Variants in GCC2 observed in about 807,000 individuals in gnomAD.
GCC2 encodes the protein GRIP and coiled-coil domain containing 2.
In GCC2, 120 loss-of-function variants were observed where a neutral mutation model predicts 210.6. The observed-to-expected ratio is 0.57, with a 90% CI of 0.49 to 0.66. GCC2 has a LOEUF of 0.66. Ranked by LOEUF, GCC2 falls within the 30% of genes least tolerant of loss-of-function variation. The pLI is 0.00. For synonymous variants in GCC2, 703 were observed against 652.7 expected, an observed-to-expected ratio of 1.08 and a Z score of -1.17; for missense variants, 1,868 against 1,871.9, an observed-to-expected ratio of 1.00 and a Z score of 0.04.
chr2:108,487,253 C>T (rs1313654084), intron 16 of GCC2, among the ~76,000 whole-genome samples: 5 of 152,172 alleles, frequency 3.3e-5, no homozygotes, highest in Admixed American at 1.3e-4. Flanking sequence ...TCCAAAAGCA[C>T]ATAGTGTCAC....
chr2:108,473,966 A>AT (rs1681372506), intron 7 of GCC2, among the ~76,000 whole-genome samples: 1 of 151,546 alleles, frequency 6.6e-6, no homozygotes, highest in African/African-American at 2.4e-5. Flanking sequence ...ATCCTGGCTA[A>AT]CACGGTGAAA....
intron 16 of GCC2, 68 bp from the exon 17 acceptor site, chr2:108,487,631 A>G (rs1466611118): frequency 4.3e-6 from 6 of 1,396,160 alleles, no homozygotes; most frequent in Non-Finnish European, 5.8e-6. Flanking sequence ...TCAATTTGTT[A>G]ATCTCTGAAA....
At position 108,488,203 on chromosome 2, in the gene GCC2, G is replaced by C. The variant is rs563775340; in HGVS notation, c.4052+383G>C. Among the ~76,000 whole-genome samples the C allele has an allele frequency of 3.0e-4, 45 of 152,072 alleles. 1 individual carries two copies. The South Asian group carries it at 5.0e-3, about 17-fold the overall frequency. ...ATTACAGACGTGAGCCACAGCACCCGGCCTAAAATTCTATTATGATTTTTA... is the reference window on the plus strand; with the variant it reads ...ATTACAGACGTGAGCCACAGCACCCCGCCTAAAATTCTATTATGATTTTTA... On this transcript the variant is annotated intron_variant, in intron 17 of 22. Transcript: ENST00000309863.
chr2:108,463,278 T>G (rs1309400305), intron 4 of GCC2, among the ~76,000 whole-genome samples: 1 of 152,230 alleles, frequency 6.6e-6, no homozygotes, highest in African/African-American at 2.4e-5. Context: ...TTTTAATGTT[T>G]TCTATGTCCT....
intron 18 of GCC2, among the ~76,000 whole-genome samples, chr2:108,492,143 T>C (rs1260743032): frequency 7.2e-6 from 1 of 139,134 alleles, no homozygotes; most frequent in African/African-American, 2.6e-5. Context: ...AGTGTGGGGT[T>C]TTTTTTTTTT....
chr2:108,460,800 T>G (rs953586863), intron 4 of GCC2, among the ~76,000 whole-genome samples: 8 of 152,216 alleles, frequency 5.3e-5, no homozygotes, highest in Admixed American at 6.5e-5. Context: ...TAGTGGGAAG[T>G]GACTGGATCA....
chr2:108,493,507 A>C (rs1036002084), intron 19 of GCC2: 1 of 986,384 alleles, frequency 1.0e-6, no homozygotes, highest in Non-Finnish European at 1.2e-6. Context: ...AGAAACACTC[A>C]AGCGGCACTG....
intron 4 of GCC2, among the ~76,000 whole-genome samples, chr2:108,466,028 C>G (rs1680865211): frequency 6.6e-6 from 1 of 152,092 alleles, no homozygotes; most frequent in South Asian, 2.1e-4. Context: ...TTGCATTTCC[C>G]TGATGATTAT....
chr2:108,466,023 T>C (rs1251021544), intron 4 of GCC2, among the ~76,000 whole-genome samples: 2 of 152,196 alleles, frequency 1.3e-5, no homozygotes, highest in Non-Finnish European at 2.9e-5. Flanking sequence ...TTAAGTTGCA[T>C]TTCCCTGATG....
At position 108,492,768 on chromosome 2, in the gene GCC2, T is replaced by G; in HGVS notation, c.4425T>G (p.Leu1475=). 1.2e-6 allele frequency: 2 copies of G among 1,612,840 alleles called. No homozygotes were observed. Among genetic ancestry groups the G allele is most frequent in the Non-Finnish European group, 1.7e-6 (2 of 1,178,782 alleles). The change falls in exon 19 of 23, where the codon CTT becomes CTG. Residue 1475 remains leucine, a synonymous_variant. Transcript: ENST00000309863. ...AGATGGAAGCACAGCTCTTCCAGCT[T>G]AAGAATGAACCGACCACAAGAAGTA... is the stretch of plus-strand genomic sequence containing the variant. ...LSKMEAQLFQ[L]KNEPTTRSPV... is the part of the protein sequence containing the mutation.
rs762231999 is a variant in GCC2 at position 108,470,726 on chromosome 2, G to A, written c.1397G>A (p.Cys466Tyr). The A allele has an allele frequency of 5.6e-6, 9 of 1,612,938 alleles. No individual in the cohort carries two copies. The East Asian group carries it at 2.0e-4, about 36-fold the overall frequency. Reference protein sequence around the residue: ...MFEIQGLKEQCENLQQEKQEA... With the variant: ...MFEIQGLKEQYENLQQEKQEA... ...GAAATACAGGGTCTTAAGGAACAGTGTGAAAACCTACAGCAAGAAAAGCAA... is the reference window on the plus strand; with the variant it reads ...GAAATACAGGGTCTTAAGGAACAGTATGAAAACCTACAGCAAGAAAAGCAA... The change falls in exon 6 of 23, where the codon TGT becomes TAT. Residue 466 changes from cysteine (C) to tyrosine (Y), a missense_variant. Around this residue, in one of 3 missense-constraint regions of GCC2, gnomAD observed 1,847 missense variants for 1,765.2 expected, o/e 1.05. Transcript: ENST00000309863.
chr2:108,458,935 A>C (rs1680407224), intron 4 of GCC2, among the ~76,000 whole-genome samples: 1 of 151,930 alleles, frequency 6.6e-6, no homozygotes, highest in African/African-American at 2.4e-5. Flanking sequence ...TTTGATCTTT[A>C]TTAGTCGTTT....
intron 13 of GCC2, 28 bp from the exon 14 acceptor site, chr2:108,485,608 T>C (rs750692664): frequency 9.3e-6 from 11 of 1,183,112 alleles, no homozygotes; most frequent in Non-Finnish European, 1.3e-5. Context: ...GTTACATCTT[T>C]TTCTGCTGAA....
In GCC2 at chr2:108,449,861, A is replaced by C. The variant is rs556775909; in HGVS notation, c.63+172A>C. ...CCCATTTCCTGTTTCTCCCCCGCCC[A>C]CCCCGATATAGAAAGACTTTTTGTT... On this transcript the variant is annotated intron_variant, in intron 2 of 22. Transcript: ENST00000309863. 3.8e-4 allele frequency: 221 copies of C among 587,024 alleles called. 2 individuals carry two copies. The East Asian group carries it at 6.0e-3, about 16-fold the overall frequency. The allele number at this position is 587,024 out of a possible 1,614,324, so 36.4% of individuals were successfully genotyped here.
intron 19 of GCC2, 183 bp from the exon 20 acceptor site, chr2:108,495,108 G>C: frequency 2.4e-6 from 1 of 415,250 alleles, no homozygotes; most frequent in East Asian, 4.4e-5. Flanking sequence ...ACCACGCCCA[G>C]CTTTGATGAC....
intron 6 of GCC2, 21 bp downstream of exon 6, chr2:108,472,137 A>G (rs111860015): frequency 0.023 from 31,847 of 1,403,594 alleles, 429 homozygotes; most frequent in Middle Eastern, 0.033. Context: ...TTTGAATTCT[A>G]TTGTTTCAAA....
intron 9 of GCC2, among the ~76,000 whole-genome samples, chr2:108,476,054 C>CCTTTTTTTTTTTT: frequency 1.0e-5 from 1 of 96,328 alleles, no homozygotes; most frequent in Non-Finnish European, 2.1e-5. Flanking sequence ...TAGTGGCTTG[C>CCTTTTTTTTTTTT]TTTTTTTTTT....
At position 108,475,527 on chromosome 2, in the gene GCC2, A is replaced by G. The variant is rs764148390; in HGVS notation, c.2861-8A>G. On this transcript the variant is annotated splice_region_variant and splice_polypyrimidine_tract_variant and intron_variant, in intron 7 of 22. Coordinates refer to ENST00000309863, the MANE Select transcript of GCC2 (RefSeq NM_181453.4). ...TTCGTATGTAATCCATTTATTTTCTATTTTTAGAAAATCTGGAAAAAGAAT... is the reference window on the plus strand; with the variant it reads ...TTCGTATGTAATCCATTTATTTTCTGTTTTTAGAAAATCTGGAAAAAGAAT... 5 of 1,325,792 alleles carry G rather than the reference A, an allele frequency of 3.8e-6. No homozygotes were observed. Among genetic ancestry groups the G allele is most frequent in the African/African-American group, 1.5e-5 (1 of 67,454 alleles). The allele number at this position is 1,325,792 out of a possible 1,614,324, so 82.1% of individuals were successfully genotyped here.
chr2:108,453,424 CTT>C (rs1680067050), intron 4 of GCC2, among the ~76,000 whole-genome samples: 1 of 152,184 alleles, frequency 6.6e-6, no homozygotes, highest in African/African-American at 2.4e-5. Flanking sequence ...ACTGGGTTCT[CTT>C]TCTCTTTTTA....
Sources: allele counts gnomAD v4.1 joint callset (sites outside exome capture counted in the v4.1 genomes callset), GRCh38; gene constraint gnomAD v4.1.1; regional missense constraint gnomAD v4.1.1; transcripts MANE v1.5; gene names NCBI Gene and HGNC (gene_info 2026-07-23, HGNC 2026-07-21).